Variants in KCP observed in about 807,000 individuals in gnomAD.
The protein encoded by KCP is kielin cysteine rich BMP regulator.
A neutral mutation model predicts 212.7 loss-of-function variants in KCP; 194 were observed. The ratio of observed to expected loss-of-function variants is 0.91; its 90% confidence interval spans 0.81 to 1.03. The LOEUF (loss-of-function observed/expected upper bound fraction) is 1.03, where lower values mean the gene tolerates loss of function less well. Among genes scored for constraint, KCP ranks in the 50% least tolerant of loss-of-function variants. The pLI, the probability that KCP is intolerant of heterozygous loss-of-function variation, is 0.00. For missense variants in KCP, 2,080 were observed against 2,162.5 expected (o/e 0.96, Z 0.76); for synonymous variants, 833 against 865.3 (o/e 0.96, Z 0.65).
chr7:128,909,482 C>T (rs1253387466), intron 1 of KCP, among the ~76,000 whole-genome samples: 1 of 152,142 alleles, frequency 6.6e-6, no homozygotes, highest in African/African-American at 2.4e-5. Flanking sequence ...TTGCTTTGTC[C>T]CAAGTTCCCT....
intron 1 of KCP, 91 bp from the exon 2 acceptor site, chr7:128,908,659 G>A (rs1795280518): frequency 7.9e-6 from 11 of 1,395,534 alleles, no homozygotes; most frequent in Non-Finnish European, 1.1e-5. Context: ...CACAGGGGAA[G>A]GGGGTCATCC....
In KCP at chr7:128,884,785, C is replaced by G; in HGVS notation, c.3119G>C (p.Cys1040Ser). The change falls in exon 28 of 40, where the codon TGC (cysteine) becomes TCC (serine). Residue 1040 changes from cysteine (C) to serine (S), a missense_variant. Physicochemically the swap from Cys to Ser is moderately radical, Grantham distance 112 (BLOSUM62 -1). Transcript: ENST00000610776. ...CACCACTGTGCCCTCACCTACCTCGCAGATGCACACTTCACAGGGGTCTGC... is the reference window on the plus strand; with the variant it reads ...CACCACTGTGCCCTCACCTACCTCGGAGATGCACACTTCACAGGGGTCTGC... ...PGADPCEVCICEPQPEGPPSL... is the reference protein window; with the variant it reads ...PGADPCEVCISEPQPEGPPSL... 1 of 1,551,068 alleles carries G rather than the reference C, an allele frequency of 6.4e-7. No homozygotes were observed. The highest frequency in any genetic ancestry group is 8.7e-7 in the Non-Finnish European group (1 of 1,146,948).
chr7:128,897,503 A>T (rs1258700614), intron 8 of KCP, among the ~76,000 whole-genome samples: 1 of 152,214 alleles, frequency 6.6e-6, no homozygotes, highest in Non-Finnish European at 1.5e-5. Context: ...AAGAGCTTTA[A>T]CTAATTGGTT....
At position 128,892,614 on chromosome 7, in the gene KCP, G is replaced by C; in HGVS notation, c.1528-7C>G. 1.3e-6 allele frequency: 2 copies of C among 1,550,830 alleles called. No homozygotes were observed. Among genetic ancestry groups the C allele is most frequent in the Non-Finnish European group, 1.7e-6 (2 of 1,146,242 alleles). ...AGCATGTCACAGTTCCATCCTGCGA[G>C]AGAGCAGGGGAGAGAGCAATCGGGG... On this transcript the variant is annotated splice_region_variant and splice_polypyrimidine_tract_variant and intron_variant, in intron 15 of 39. Coordinates refer to ENST00000610776, the MANE Select transcript of KCP (RefSeq NM_001366122.1).
At position 128,892,795 on chromosome 7, in the gene KCP, C is replaced by G; in HGVS notation, c.1421-1G>C. ...CTGTCACAGCTGGGGCAGCAGGCAC[C>G]TGGGTGGGGCAGGCTGGTCAGGGTG... is the stretch of plus-strand genomic sequence containing the variant. On this transcript the variant is annotated splice_acceptor_variant, in intron 14 of 39. Transcript: ENST00000610776. LOFTEE classifies it high-confidence loss of function. 1 of 1,551,660 alleles carries G rather than the reference C, an allele frequency of 6.4e-7. No homozygotes were observed. Among genetic ancestry groups the G allele is most frequent in the Non-Finnish European group, 8.7e-7 (1 of 1,146,936 alleles).
intron 22 of KCP, among the ~76,000 whole-genome samples, chr7:128,888,427 T>TAC (rs571747124): frequency 1.6e-3 from 85 of 52,400 alleles, no homozygotes; most frequent in African/African-American, 5.9e-3. Flanking sequence ...CAGCAACACA[T>TAC]ACACACACAT....
intron 37 of KCP, chr7:128,879,148 A>G (rs900967582): frequency 3.0e-6 from 1 of 331,010 alleles, no homozygotes; most frequent in Non-Finnish European, 5.6e-6. Flanking sequence ...GCAGGGGGCA[A>G]ATTACTCTTC....
chr7:128,893,282 A>T lies in KCP; in HGVS notation c.1223T>A (p.Val408Asp), dbSNP rs1484797799. 2 of 1,551,452 alleles carry T rather than the reference A, an allele frequency of 1.3e-6. No homozygotes were observed. Among genetic ancestry groups the T allele is most frequent in the Admixed American group, 3.9e-5 (2 of 50,996 alleles). The change falls in exon 13 of 40, where the codon GTC (valine) becomes GAC (aspartate). Residue 408 changes from valine to aspartate, a missense_variant. Coordinates refer to ENST00000610776, the MANE Select transcript of KCP (RefSeq NM_001366122.1). ...AGAGGCAGGCAGGGCACAGGGGGTG[A>T]CTGGGCACTCCTGCTCCTCACAGGA... is the stretch of plus-strand genomic sequence containing the variant. ...EVSCEEQECP[V>D]TPCALPASGR...
intron 21 of KCP, 103 bp from the exon 22 acceptor site, chr7:128,889,142 A>T: frequency 2.7e-6 from 2 of 748,160 alleles, no homozygotes; most frequent in Non-Finnish European, 3.7e-6. Context: ...CCAAGATCTC[A>T]AAGATCTAGC....
chr7:128,907,100 C>A lies in KCP; in HGVS notation c.486+1G>T, dbSNP rs373960568. The stretch of plus-strand genomic sequence containing the variant: ...TATCCAGGTAGGTCCTGGGAGCTTA[C>A]CAGACAGCGGCAGGTGGTGCAGGCA... On this transcript the variant is annotated splice_donor_variant, in intron 4 of 39. Transcript: ENST00000610776. LOFTEE classifies it high-confidence loss of function. 1.3e-6 allele frequency: 2 copies of A among 1,550,858 alleles called. No individual in the cohort carries two copies. Among genetic ancestry groups the A allele is most frequent in the East Asian group, 2.4e-5 (1 of 40,924 alleles).
chr7:128,894,325 G>T, intron 8 of KCP, 32 bp from the exon 9 acceptor site: 1 of 1,472,900 alleles, frequency 6.8e-7, no homozygotes, highest in Non-Finnish European at 9.1e-7. Context: ...GGAAGGGGCC[G>T]ACAGGGCTCA....
chr7:128,891,167 G>A lies in KCP; in HGVS notation c.1972+18C>T, dbSNP rs1220116185. 5 of 1,540,960 alleles carry A rather than the reference G, an allele frequency of 3.2e-6. No individual in the cohort carries two copies. The highest frequency in any genetic ancestry group is 1.4e-5 in the African/African-American group (1 of 73,056). Reference sequence around the variant, plus strand: ...AGGGGACCCCCAGGGAGGAGCAGCCGAGGGGTGCGGCCCCTACCTGGGCAC... The same window carrying A: ...AGGGGACCCCCAGGGAGGAGCAGCCAAGGGGTGCGGCCCCTACCTGGGCAC... On this transcript the variant is annotated intron_variant, in intron 19 of 39. Transcript: ENST00000610776.
chr7:128,905,268 T>C (rs902589345), intron 5 of KCP, among the ~76,000 whole-genome samples: 1 of 152,198 alleles, frequency 6.6e-6, no homozygotes, highest in Non-Finnish European at 1.5e-5. Flanking sequence ...AAATATTGCA[T>C]AGGATATACC....
At chr7:128,896,359 G>T (rs1339253707) in intron 8 of KCP, among the ~76,000 whole-genome samples, 1 of 152,062 alleles carries the variant, frequency 6.6e-6, no homozygotes, top group African/African-American at 2.4e-5. Context: ...AACTGGGGAG[G>T]GTTACAGTCC....
chr7:128,886,331 AG>A, intron 26 of KCP, 132 bp downstream of exon 26: 1 of 675,418 alleles, frequency 1.5e-6, no homozygotes, highest in South Asian at 2.0e-5. Context: ...GAAGGTGGCA[AG>A]GGTGTATGCA....
In KCP at chr7:128,907,150, C is replaced by T. The variant is rs953577763; in HGVS notation, c.437G>A (p.Gly146Asp). The T allele has an allele frequency of 7.1e-6, 11 of 1,551,394 alleles. No homozygotes were observed. The highest frequency in any genetic ancestry group is 1.7e-4 in the Middle Eastern group (1 of 5,988). ...RGCSQNGQTY[G>D]NGETFSPDAC... Reference sequence around the variant, plus strand: ...ATCTGGGGAGAAGGTCTCCCCGTTGCCGTAGGTCTGGCCATTTTGGCTGCA... The same window carrying T: ...ATCTGGGGAGAAGGTCTCCCCGTTGTCGTAGGTCTGGCCATTTTGGCTGCA... The change falls in exon 4 of 40, where the codon GGC (glycine) becomes GAC (aspartate). Residue 146 changes from glycine to aspartate, a missense_variant. Coordinates refer to ENST00000610776, the MANE Select transcript of KCP (RefSeq NM_001366122.1).
intron 16 of KCP, among the ~76,000 whole-genome samples, chr7:128,892,126 C>T (rs964982798): frequency 3.9e-5 from 6 of 152,012 alleles, no homozygotes; most frequent in East Asian, 1.9e-4. Flanking sequence ...CGGGCAGGGA[C>T]GTGTCCCATG....
At chr7:128,906,686 C>T (rs1795134298) in intron 4 of KCP, among the ~76,000 whole-genome samples, 1 of 152,018 alleles carries the variant, frequency 6.6e-6, no homozygotes, top group Non-Finnish European at 1.5e-5. Context: ...GTGGATGTGG[C>T]AACTGGTGAG....
chr7:128,894,165 C>A, intron 9 of KCP, 35 bp downstream of exon 9: 1 of 1,510,694 alleles, frequency 6.6e-7, no homozygotes, highest in South Asian at 1.3e-5. Context: ...AGGTTGCCCA[C>A]CATGGTCAGG....
Sources: gnomAD v4.1 joint callset for allele counts (sites outside exome capture counted in the v4.1 genomes callset) on GRCh38, gnomAD v4.1.1 for gene constraint, MANE v1.5 for transcripts, NCBI Gene and HGNC (gene_info 2026-07-23, HGNC 2026-07-21) for gene names.